The following TRAPPC12 variants were observed in gnomAD, a reference collection of about 807,000 sequenced individuals.
TRAPPC12 encodes trafficking protein particle complex subunit 12, also known as TPR repeat protein 15.
In TRAPPC12, 61 loss-of-function variants were observed where a neutral mutation model predicts 69.2. That is an observed-to-expected ratio of 0.88 (90% CI 0.72 to 1.09). The LOEUF is 1.09. Among genes scored for constraint, TRAPPC12 ranks in the 50% least tolerant of loss-of-function variants. TRAPPC12 has a pLI of 0.00. For missense variants in TRAPPC12, 1,101 were observed against 1,016.4 expected (o/e 1.08, Z -1.13); for synonymous variants, 469 against 438.9 (o/e 1.07, Z -0.86).
At position 3,479,476 on chromosome 2, in the gene TRAPPC12, C is replaced by G. The variant is rs751585476; in HGVS notation, c.*15C>G. On this transcript the variant is annotated 3_prime_UTR_variant, in exon 12 of 12. Coordinates refer to ENST00000324266, the MANE Select transcript of TRAPPC12 (RefSeq NM_016030.6). ...AGCTGGCCTAGCTGCCTCCAACACA[C>G]TACGTCAGAAGGACCCGGGTCTTTG... The G allele has an allele frequency of 1.9e-5, 31 of 1,612,672 alleles. No homozygotes were observed. In the Admixed American group the frequency reaches 5.0e-4, roughly 26 times the overall value.
intron 10 of TRAPPC12, 135 bp downstream of exon 10, chr2:3,477,930 G>A (rs1666366748): frequency 1.8e-6 from 1 of 547,808 alleles, no homozygotes; most frequent in Non-Finnish European, 3.3e-6. Context: ...TCTCAGAGCG[G>A]AGACCCAAGG....
At chr2:3,442,881 C>T (rs1477170628) in intron 5 of TRAPPC12, among the ~76,000 whole-genome samples, 2 of 152,192 alleles carry the variant, frequency 1.3e-5, no homozygotes, top group Admixed American at 1.3e-4. Flanking sequence ...ATCGCTTAGG[C>T]CTATTTTGAA....
At chr2:3,404,893 G>A (rs1661644016) in intron 3 of TRAPPC12, among the ~76,000 whole-genome samples, 1 of 151,478 alleles carries the variant, frequency 6.6e-6, no homozygotes, top group Non-Finnish European at 1.5e-5. Flanking sequence ...TACGGGGGAG[G>A]GGGCGCAAAG....
intron 6 of TRAPPC12, chr2:3,457,268 A>T: frequency 2.3e-6 from 1 of 439,028 alleles, no homozygotes; most frequent in Middle Eastern, 3.4e-4. Context: ...ATGGACAAAA[A>T]ATAGACCAGA....
chr2:3,424,894 T>TC (rs1663010373), intron 5 of TRAPPC12, among the ~76,000 whole-genome samples: 1 of 152,240 alleles, frequency 6.6e-6, no homozygotes, highest in African/African-American at 2.4e-5. Context: ...CAGCTACGTG[T>TC]CAAGCACCTG....
intron 7 of TRAPPC12, chr2:3,458,399 C>T (rs1665297773): frequency 1.0e-6 from 1 of 985,916 alleles, no homozygotes; most frequent in Admixed American, 6.1e-5. Flanking sequence ...TCCTCCTTCC[C>T]ACAGCTTCTG....
At chr2:3,458,717 C>T (rs1421279658) in intron 7 of TRAPPC12, among the ~76,000 whole-genome samples, 2 of 152,198 alleles carry the variant, frequency 1.3e-5, no homozygotes, top group Admixed American at 6.5e-5. Flanking sequence ...CATTTTACCC[C>T]TGGTTGGGCT....
chr2:3,398,712 C>T (rs533393648), intron 2 of TRAPPC12, among the ~76,000 whole-genome samples: 1 of 152,332 alleles, frequency 6.6e-6, no homozygotes, highest in Admixed American at 6.5e-5. Flanking sequence ...AGGCCCTAAC[C>T]GCCTGTCAGC....
chr2:3,464,385 C>G (rs907971956), intron 8 of TRAPPC12, among the ~76,000 whole-genome samples: 2 of 145,586 alleles, frequency 1.4e-5, no homozygotes, highest in Admixed American at 1.4e-4. Flanking sequence ...TTTGTTTTTT[C>G]CTTCCTACCA....
At chr2:3,465,918 A>G in intron 9 of TRAPPC12, 1 of 577,864 alleles carries the variant, frequency 1.7e-6, no homozygotes, top group Non-Finnish European at 3.1e-6. Flanking sequence ...GTGAACCCAC[A>G]GAAAGTGTCA....
intron 3 of TRAPPC12, 27 bp from the exon 4 acceptor site, chr2:3,421,854 G>T: frequency 6.3e-7 from 1 of 1,592,412 alleles, no homozygotes; most frequent in Non-Finnish European, 8.6e-7. Context: ...ATGTGTGTTT[G>T]GTCACATGTT....
chr2:3,387,981 C>T lies in TRAPPC12; in HGVS notation c.358C>T (p.Pro120Ser), dbSNP rs1660581198. Reference sequence around the variant, plus strand: ...CGGCGAGGCCGACGGCGACTGTGCCCCCGAGGACGCGGCACCCAGTAGCGG... The same window carrying T: ...CGGCGAGGCCGACGGCGACTGTGCCTCCGAGGACGCGGCACCCAGTAGCGG... ...PSGEADGDCA[P>S]EDAAPSSGGA... The change falls in exon 2 of 12, where the codon CCC becomes TCC. Residue 120 changes from proline to serine, a missense_variant. Physicochemically the swap from Pro to Ser is moderately conservative, Grantham distance 74 (BLOSUM62 -1). Coordinates refer to ENST00000324266, the MANE Select transcript of TRAPPC12 (RefSeq NM_016030.6). The T allele has an allele frequency of 4.1e-6, 6 of 1,473,898 alleles. No individual in the cohort carries two copies. Among genetic ancestry groups the T allele is most frequent in the Non-Finnish European group, 5.4e-6 (6 of 1,118,826 alleles). The allele number at this position is 1,473,898 out of a possible 1,614,324, so 91.3% of individuals were successfully genotyped here.
At position 3,469,327 on chromosome 2, in the gene TRAPPC12, T is replaced by C. The variant is rs74569627; in HGVS notation, c.1776+3632T>C. 9.1e-4 allele frequency among the ~76,000 whole-genome samples: 139 copies of C among 152,312 alleles called. 1 individual carries two copies. In the East Asian group the frequency reaches 0.015, roughly 16 times the overall value. On this transcript the variant is annotated intron_variant, in intron 9 of 11. Coordinates refer to ENST00000324266, the MANE Select transcript of TRAPPC12 (RefSeq NM_016030.6). ...ATGCACTGTCAGCACCTGTGTGCTG[T>C]GCTGTCAGAGGGGTAAATTTCATAA...
intron 3 of TRAPPC12, among the ~76,000 whole-genome samples, chr2:3,407,669 G>T (rs1470100774): frequency 6.6e-6 from 1 of 152,070 alleles, no homozygotes; most frequent in Non-Finnish European, 1.5e-5. Flanking sequence ...GGGCGTGGTG[G>T]CGGGTGCCTG....
chr2:3,452,383 A>G (rs1331964151), intron 6 of TRAPPC12, among the ~76,000 whole-genome samples: 6 of 152,196 alleles, frequency 3.9e-5, no homozygotes, highest in Non-Finnish European at 8.8e-5. Context: ...CACTAAGTCC[A>G]GGCCACACGC....
intron 3 of TRAPPC12, among the ~76,000 whole-genome samples, chr2:3,413,139 T>A (rs1004835720): frequency 7.9e-5 from 12 of 152,232 alleles, no homozygotes; most frequent in African/African-American, 2.7e-4. Context: ...TGTTTATAAC[T>A]TTTGTTCATA....
intron 3 of TRAPPC12, among the ~76,000 whole-genome samples, chr2:3,407,671 G>A (rs954276735): frequency 5.3e-5 from 8 of 151,824 alleles, no homozygotes; most frequent in African/African-American, 1.5e-4. Flanking sequence ...GCGTGGTGGC[G>A]GGTGCCTGTA....
Position 3,460,249 on chromosome 2 carries a change from C to T in TRAPPC12, c.1604-14C>T. 4.6e-6 allele frequency: 4 copies of T among 873,160 alleles called. No homozygotes were observed. The highest frequency in any genetic ancestry group is 6.0e-6 in the Non-Finnish European group (3 of 501,798). The allele number at this position is 873,160 out of a possible 1,614,324, so 54.1% of individuals were successfully genotyped here. A position where few individuals can be genotyped will look rare whatever the true frequency, so the allele number is the denominator to read the frequency against. On this transcript the variant is annotated splice_polypyrimidine_tract_variant and intron_variant, in intron 7 of 11. Coordinates refer to ENST00000324266, the MANE Select transcript of TRAPPC12 (RefSeq NM_016030.6). Reference sequence around the variant, plus strand: ...AATTTATTTGTGCACTTACAGGCTGCTCTTACCTTGTAGCCTCTATCCGGC... The same window carrying T: ...AATTTATTTGTGCACTTACAGGCTGTTCTTACCTTGTAGCCTCTATCCGGC...
At chr2:3,402,362 C>A (rs537456767) in intron 3 of TRAPPC12, among the ~76,000 whole-genome samples, 1 of 152,126 alleles carries the variant, frequency 6.6e-6, no homozygotes, top group Admixed American at 6.5e-5. Context: ...GAGGCCAAGG[C>A]GGGCAGATCA....
Sources: allele counts gnomAD v4.1 joint callset (sites outside exome capture counted in the v4.1 genomes callset), GRCh38; gene constraint gnomAD v4.1.1; transcripts MANE v1.5; gene names NCBI Gene and HGNC (gene_info 2026-07-23, HGNC 2026-07-21).